The following ROR1 variants were observed in gnomAD, a reference collection of about 807,000 sequenced individuals.
ROR1 encodes the protein inactive tyrosine-protein kinase transmembrane receptor ROR1.
Under a neutral mutation model 78.8 loss-of-function variants are expected in ROR1, and 19 were observed. The observed-to-expected ratio is 0.24, with a 90% confidence interval of 0.17 to 0.35. The LOEUF is 0.35. ROR1 is among the 10% of genes least tolerant of loss of function. The pLI is 1.00. For missense variants in ROR1, 917 were observed against 1,177.8 expected, an observed-to-expected ratio of 0.78 and a Z score of 3.24; for synonymous variants, 386 against 433.6, an observed-to-expected ratio of 0.89 and a Z score of 1.36.
At chr1:64,138,338 TAGTATA>T (rs1270194774) in intron 5 of ROR1, among the ~76,000 whole-genome samples, 3 of 152,228 alleles carry the variant, frequency 2.0e-5, no homozygotes, top group Admixed American at 6.5e-5. Flanking sequence ...AATAATTTTT[TAGTATA>T]AGTATGTCAT....
chr1:63,982,762 C>A (rs368323831), intron 1 of ROR1, among the ~76,000 whole-genome samples: 10 of 151,956 alleles, frequency 6.6e-5, no homozygotes, highest in Non-Finnish European at 1.3e-4. Context: ...CTAAAGGGAG[C>A]GGTAATAATA....
At chr1:63,972,249 G>T (rs1453221906) in intron 1 of ROR1, among the ~76,000 whole-genome samples, 1 of 152,064 alleles carries the variant, frequency 6.6e-6, no homozygotes, top group Non-Finnish European at 1.5e-5. Flanking sequence ...CCTTAAAACA[G>T]CCCCATGAGG....
intron 1 of ROR1, among the ~76,000 whole-genome samples, chr1:63,782,561 T>G (rs1283527739): frequency 6.6e-6 from 1 of 151,710 alleles, no homozygotes; most frequent in Non-Finnish European, 1.5e-5. Context: ...TTTTTTGTTT[T>G]TTTTTTTGTT....
chr1:63,791,332 G>A (rs966244832), intron 1 of ROR1, among the ~76,000 whole-genome samples: 1 of 152,118 alleles, frequency 6.6e-6, no homozygotes, highest in Non-Finnish European at 1.5e-5. Flanking sequence ...ATCAGGAAAG[G>A]TGACTCAGGG....
Position 64,025,293 on chromosome 1 carries a change from C to T in ROR1, c.163+15917C>T, listed in dbSNP as rs147739687. 5.3e-5 allele frequency among the ~76,000 whole-genome samples: 8 copies of T among 152,226 alleles called. No individual in the cohort carries two copies. The East Asian group carries it at 7.8e-4, about 15-fold the overall frequency. On this transcript the variant is annotated intron_variant, in intron 2 of 8. Transcript: ENST00000371079. Reference sequence around the variant, plus strand: ...TATAATGTGAGCTCCTGGCTGATAACGTGATTCCCGTCTTCCAGAAGCCTG... The same window carrying T: ...TATAATGTGAGCTCCTGGCTGATAATGTGATTCCCGTCTTCCAGAAGCCTG...
chr1:64,139,164 CAA>C (rs755368714), intron 5 of ROR1, among the ~76,000 whole-genome samples: 23 of 20,668 alleles, frequency 1.1e-3, no homozygotes, highest in African/African-American at 3.1e-3. Context: ...GAGACTGTCT[CAA>C]AAAAAAAAAA....
At chr1:63,921,534 A>G (rs1439471000) in intron 1 of ROR1, among the ~76,000 whole-genome samples, 1 of 152,126 alleles carries the variant, frequency 6.6e-6, no homozygotes, top group African/African-American at 2.4e-5. Flanking sequence ...TGTTGTCGCT[A>G]CCATGTGCAC....
chr1:63,840,378 C>T (rs868681445), intron 1 of ROR1, among the ~76,000 whole-genome samples: 3 of 150,238 alleles, frequency 2.0e-5, no homozygotes, highest in Non-Finnish European at 4.4e-5. Context: ...CTCCGGGGTT[C>T]GAGTGAGTCT....
chr1:63,935,588 T>C (rs890565735), intron 1 of ROR1, among the ~76,000 whole-genome samples: 5 of 152,212 alleles, frequency 3.3e-5, no homozygotes, highest in African/African-American at 1.2e-4. Flanking sequence ...AGAAGGCCTC[T>C]TAGGATTATA....
At chr1:63,986,550 A>G (rs1646253656) in intron 1 of ROR1, among the ~76,000 whole-genome samples, 1 of 152,170 alleles carries the variant, frequency 6.6e-6, no homozygotes, top group South Asian at 2.1e-4. Flanking sequence ...AAACTTTATT[A>G]TATGTGCAGG....
At chr1:64,053,692 G>A (rs1235094617) in intron 4 of ROR1, among the ~76,000 whole-genome samples, 3 of 152,054 alleles carry the variant, frequency 2.0e-5, no homozygotes, top group African/African-American at 7.2e-5. Flanking sequence ...AGAAAGTTGT[G>A]GTGTGTTTTA....
At chr1:63,873,184 C>CTT (rs1645262872) in intron 1 of ROR1, among the ~76,000 whole-genome samples, 1 of 152,104 alleles carries the variant, frequency 6.6e-6, no homozygotes, top group Admixed American at 6.6e-5. Flanking sequence ...GTTCTGGAGT[C>CTT]ATCAAGGCTA....
intron 1 of ROR1, among the ~76,000 whole-genome samples, chr1:63,836,374 A>G (rs1645018838): frequency 6.6e-6 from 1 of 152,220 alleles, no homozygotes; most frequent in Non-Finnish European, 1.5e-5. Flanking sequence ...TACGAACCAT[A>G]AATAGTGTCT....
chr1:64,068,277 T>A (rs910563023), intron 4 of ROR1, among the ~76,000 whole-genome samples: 1 of 152,222 alleles, frequency 6.6e-6, no homozygotes, highest in Non-Finnish European at 1.5e-5. Context: ...TTCCTGGAGC[T>A]GCATATTAAG....
intron 2 of ROR1, among the ~76,000 whole-genome samples, chr1:64,039,950 A>C (rs1646733236): frequency 6.6e-6 from 1 of 152,206 alleles, no homozygotes; most frequent in Non-Finnish European, 1.5e-5. Flanking sequence ...CCGGGGTCAG[A>C]AACTTTGCTT....
intron 1 of ROR1, among the ~76,000 whole-genome samples, chr1:63,777,707 G>T (rs1320396551): frequency 6.6e-6 from 1 of 152,176 alleles, no homozygotes; most frequent in Admixed American, 6.5e-5. Context: ...TTAGTATCAG[G>T]TTTGGCTGGT....
Position 64,142,323 on chromosome 1 carries a change from C to T in ROR1, c.929-82C>T. The T allele has an allele frequency of 1.9e-6, 3 of 1,560,378 alleles. No homozygotes were observed. In the South Asian group the frequency reaches 3.6e-5, roughly 19 times the overall value. ...CACGAGGTTAATTACCTGCCCTCCC[C>T]TCCAGAAACTGCTGGCTAGAGGAGA... On this transcript the variant is annotated intron_variant, in intron 6 of 8. Transcript: ENST00000371079.
intron 1 of ROR1, among the ~76,000 whole-genome samples, chr1:64,001,857 C>T (rs1330378821): frequency 2.6e-5 from 4 of 152,296 alleles, no homozygotes; most frequent in East Asian, 1.9e-4. Flanking sequence ...CCTTCAGCAT[C>T]GGCGTCCACT....
intron 2 of ROR1, among the ~76,000 whole-genome samples, chr1:64,022,574 G>A (rs560203902): frequency 3.6e-4 from 55 of 152,232 alleles, no homozygotes; most frequent in Non-Finnish European, 7.1e-4. Flanking sequence ...CCCCGTAAGA[G>A]CCCTGGCATG....
Sources: gnomAD v4.1 joint callset for allele counts (sites outside exome capture counted in the v4.1 genomes callset) on GRCh38, gnomAD v4.1.1 for gene constraint, MANE v1.5 for transcripts, NCBI Gene and HGNC (gene_info 2026-07-23, HGNC 2026-07-21) for gene names.